POU6F2: variants seen among roughly 807,000 people sequenced by gnomAD.
POU6F2 encodes the protein POU class 6 homeobox 2, also known as POU domain, class 6, transcription factor 2.
POU6F2 carries 31 observed loss-of-function variants against 71.3 expected under a neutral mutation model. The ratio of observed to expected loss-of-function variants is 0.43; its 90% confidence interval spans 0.33 to 0.59. POU6F2 has a LOEUF of 0.59. POU6F2 is among the 20% of genes least tolerant of loss of function. POU6F2 has a pLI of 0.04. For synonymous variants in POU6F2, 347 were observed against 355.7 expected, an observed-to-expected ratio of 0.98 and a Z score of 0.27; for missense variants, 783 against 856.8, an observed-to-expected ratio of 0.91 and a Z score of 1.07.
At chr7:39,017,348 A>T (rs1178649495) in intron 1 of POU6F2, among the ~76,000 whole-genome samples, 1 of 152,088 alleles carries the variant, frequency 6.6e-6, no homozygotes, top group Non-Finnish European at 1.5e-5. Flanking sequence ...TCTATCTGGG[A>T]TCTGTTTACT....
At chr7:39,060,952 T>TAA (rs761531424) in intron 1 of POU6F2, among the ~76,000 whole-genome samples, 6 of 140,260 alleles carry the variant, frequency 4.3e-5, no homozygotes, top group Non-Finnish European at 6.2e-5. Context: ...TCACTAAGCT[T>TAA]AAAAAAAAAA....
rs142109077 is a variant in POU6F2 at position 39,125,709 on chromosome 7, C to T, written c.277+39678C>T. 5.8e-3 allele frequency among the ~76,000 whole-genome samples: 877 copies of T among 151,860 alleles called. 4 individuals are homozygous for T. Among genetic ancestry groups the T allele is most frequent in the Non-Finnish European group, 9.2e-3 (626 of 67,972 alleles). ...TTATTATCTTATAATATCTCTCACA[C>T]GAACACACAAATATACTTTTGCATA... On this transcript the variant is annotated intron_variant, in intron 2 of 9. Transcript: ENST00000518318.
At position 39,464,173 on chromosome 7, in the gene POU6F2, C is replaced by T. The variant is rs1295465404; in HGVS notation, c.1659-9C>T. 2.4e-5 allele frequency: 38 copies of T among 1,609,304 alleles called. No individual in the cohort carries two copies. The highest frequency in any genetic ancestry group is 3.1e-5 in the Non-Finnish European group (36 of 1,177,132). On this transcript the variant is annotated splice_polypyrimidine_tract_variant and intron_variant, in intron 9 of 9. Transcript: ENST00000518318. The surrounding 1 kb of genome is among the most constrained non-coding windows in gnomAD (Gnocchi z 4.1). ...TGTAAGACTGTTCTTTCTCAATTTTCCCCCCCAGACACACCATCCTGAGAA... is the reference window on the plus strand; with the variant it reads ...TGTAAGACTGTTCTTTCTCAATTTTTCCCCCCAGACACACCATCCTGAGAA...
At chr7:39,351,814 T>A (rs997323885) in intron 5 of POU6F2, among the ~76,000 whole-genome samples, 1 of 152,178 alleles carries the variant, frequency 6.6e-6, no homozygotes, top group Non-Finnish European at 1.5e-5. Context: ...GGACGTTAGG[T>A]GTGAGGACTT....
chr7:39,449,086 C>G lies in POU6F2; in HGVS notation c.1321-2447C>G, dbSNP rs553226598. ...CTGTCTTTGGTTTGTAATCTAGCCT[C>G]TACTTCGCATAGCTGAGCAACAATA... is the stretch of plus-strand genomic sequence containing the variant. On this transcript the variant is annotated intron_variant, in intron 7 of 9. Transcript: ENST00000518318. Among the ~76,000 whole-genome samples, 3 of 152,344 alleles carry G rather than the reference C, an allele frequency of 2.0e-5. No individual in the cohort carries two copies. The East Asian group carries it at 5.8e-4, about 29-fold the overall frequency.
At chr7:39,071,775 T>C (rs151165518) in intron 1 of POU6F2, among the ~76,000 whole-genome samples, 1 of 152,272 alleles carries the variant, frequency 6.6e-6, no homozygotes, top group African/African-American at 2.4e-5. Flanking sequence ...CACTGGATTT[T>C]AAAAATGTAT....
Position 39,001,247 on chromosome 7 carries a change from A to T in POU6F2, c.105+23189A>T, listed in dbSNP as rs1313922642. On this transcript the variant is annotated intron_variant, in intron 1 of 9. Coordinates refer to ENST00000518318, the MANE Select transcript of POU6F2 (RefSeq NM_001370959.1). ...TACTAGAAAGATCATTCTTTGACAC[A>T]GGCCATTTTGATTTTTTTTTTTGCA... Among the ~76,000 whole-genome samples the T allele has an allele frequency of 7.8e-3, 1,177 of 149,962 alleles. 15 individuals are homozygous for T. The highest frequency in any genetic ancestry group is 0.028 in the African/African-American group (1,109 of 39,770).
chr7:39,248,919 C>A (rs1783868021), intron 4 of POU6F2, among the ~76,000 whole-genome samples: 1 of 152,140 alleles, frequency 6.6e-6, no homozygotes, highest in Admixed American at 6.5e-5. Flanking sequence ...GCCCCTGGGA[C>A]ATTAACACAG....
chr7:39,200,790 A>C (rs377246931), intron 2 of POU6F2, among the ~76,000 whole-genome samples: 1 of 152,138 alleles, frequency 6.6e-6, no homozygotes, highest in East Asian at 1.9e-4. Flanking sequence ...TGGGAGGATC[A>C]CTTGAGGCCA....
intron 2 of POU6F2, among the ~76,000 whole-genome samples, chr7:39,201,856 C>T (rs554451256): frequency 1.3e-5 from 2 of 152,288 alleles, no homozygotes; most frequent in East Asian, 3.9e-4. Flanking sequence ...TGAGAAGGCC[C>T]CTGATTCCAG....
intron 1 of POU6F2, among the ~76,000 whole-genome samples, chr7:39,084,230 AC>A (rs769484661): frequency 2.0e-5 from 3 of 152,112 alleles, no homozygotes; most frequent in Non-Finnish European, 2.9e-5. Context: ...ATGTTTCACA[AC>A]CCCTAATGCC....
chr7:39,411,836 AG>A (rs1787556532), intron 6 of POU6F2, among the ~76,000 whole-genome samples: 1 of 152,210 alleles, frequency 6.6e-6, no homozygotes, highest in African/African-American at 2.4e-5. Flanking sequence ...TCTATTCAAA[AG>A]CTCTAGGCTG....
intron 2 of POU6F2, among the ~76,000 whole-genome samples, chr7:39,203,659 G>A (rs1028239235): frequency 2.6e-5 from 4 of 152,176 alleles, no homozygotes; most frequent in Admixed American, 6.6e-5. Flanking sequence ...GAGCTATTGC[G>A]GGATTCCTAC....
chr7:39,347,268 T>A (rs1320882440), intron 5 of POU6F2, among the ~76,000 whole-genome samples: 1 of 152,132 alleles, frequency 6.6e-6, no homozygotes, highest in East Asian at 1.9e-4. Flanking sequence ...GCACTCAAAG[T>A]TGAACAAAAA....
chr7:39,019,074 A>G (rs1789622237), intron 1 of POU6F2, among the ~76,000 whole-genome samples: 1 of 152,074 alleles, frequency 6.6e-6, no homozygotes. Context: ...CCTCATTCCT[A>G]CATCCCATTT....
intron 2 of POU6F2, among the ~76,000 whole-genome samples, chr7:39,145,860 G>A (rs1792611296): frequency 6.6e-6 from 1 of 152,086 alleles, no homozygotes; most frequent in Non-Finnish European, 1.5e-5. Flanking sequence ...TTCTCATCCT[G>A]GATCCAGAAA....
At chr7:39,265,042 C>G (rs4628166) in intron 4 of POU6F2, among the ~76,000 whole-genome samples, 109,820 of 152,038 alleles carry the variant, frequency 0.72, 39,744 homozygotes, top group Admixed American at 0.79. Context: ...TCTGGCCAGG[C>G]AGAGAAAAGC....
At chr7:38,979,458 G>T (rs1336626525) in intron 1 of POU6F2, among the ~76,000 whole-genome samples, 5 of 152,120 alleles carry the variant, frequency 3.3e-5, no homozygotes, top group Non-Finnish European at 4.4e-5. Context: ...TATTTTAAAA[G>T]AAGTAGATAT....
chr7:39,080,051 A>G lies in POU6F2; in HGVS notation c.106-5809A>G, dbSNP rs543065844. Among the ~76,000 whole-genome samples, 7 of 152,230 alleles carry G rather than the reference A, an allele frequency of 4.6e-5. No homozygotes were observed. In the South Asian group the frequency reaches 1.4e-3, roughly 32 times the overall value. ...TCTTCCCAAATTTTCAAAATGTTCT[A>G]CAATAAATACGTATACTTACGTCAA... On this transcript the variant is annotated intron_variant, in intron 1 of 9. Coordinates refer to ENST00000518318, the MANE Select transcript of POU6F2 (RefSeq NM_001370959.1).
Sources: gnomAD v4.1 joint callset for allele counts (sites outside exome capture counted in the v4.1 genomes callset) on GRCh38, gnomAD v4.1.1 for gene constraint, Gnocchi (gnomAD v3.1) non-coding constraint, MANE v1.5 for transcripts, NCBI Gene and HGNC (gene_info 2026-07-23, HGNC 2026-07-21) for gene names.